MARCHF1: variants seen among roughly 807,000 people sequenced by gnomAD.
MARCHF1 encodes E3 ubiquitin-protein ligase MARCHF1.
A neutral mutation model predicts 54.2 loss-of-function variants in MARCHF1; 40 were observed. That is an observed-to-expected ratio of 0.74 (90% CI 0.57 to 0.96). The LOEUF is 0.96. MARCHF1 is among the 40% of genes least tolerant of loss of function. The pLI, the probability that MARCHF1 is intolerant of heterozygous loss-of-function variation, is 0.00. For missense variants in MARCHF1, 586 were observed against 656.5 expected, an observed-to-expected ratio of 0.89 and a Z score of 1.17; for synonymous variants, 236 against 236.3, an observed-to-expected ratio of 1.00 and a Z score of 0.01.
intron 3 of MARCHF1, among the ~76,000 whole-genome samples, chr4:163,954,063 T>C (rs1752185749): frequency 6.6e-6 from 1 of 152,128 alleles, no homozygotes; most frequent in Non-Finnish European, 1.5e-5. Flanking sequence ...AACTTAACAA[T>C]AGGTTGTGTA....
chr4:163,860,285 G>C (rs1056548398), intron 3 of MARCHF1, among the ~76,000 whole-genome samples: 10 of 152,070 alleles, frequency 6.6e-5, no homozygotes, highest in African/African-American at 2.4e-4. Context: ...AGGACTTCCA[G>C]GGGCTGCATT....
At chr4:164,212,717 G>A (rs530497766) in intron 1 of MARCHF1, among the ~76,000 whole-genome samples, 28 of 152,060 alleles carry the variant, frequency 1.8e-4, no homozygotes, top group Middle Eastern at 3.2e-3. Context: ...CCATGGGTTC[G>A]GTATCCCTTG....
At chr4:163,704,270 C>T (rs963555793) in intron 4 of MARCHF1, among the ~76,000 whole-genome samples, 1 of 151,420 alleles carries the variant, frequency 6.6e-6, no homozygotes, top group African/African-American at 2.4e-5. Context: ...TTTGGAGGGT[C>T]ATCTGAAAAA....
intron 1 of MARCHF1, chr4:164,197,078 C>G: frequency 1.2e-6 from 2 of 1,606,646 alleles, no homozygotes; most frequent in Non-Finnish European, 1.7e-6. Context: ...ACCTCTCCAT[C>G]GTTATAACCT....
In MARCHF1 at chr4:164,288,301, AT is replaced by A. The variant is rs1377302137; in HGVS notation, c.-323+95568del. 2.0e-5 allele frequency among the ~76,000 whole-genome samples: 3 copies of A among 152,150 alleles called. No individual in the cohort carries two copies. The East Asian group carries it at 5.8e-4, about 29-fold the overall frequency. On this transcript the variant is annotated intron_variant, in intron 1 of 9. Coordinates refer to ENST00000514618, the MANE Select transcript of MARCHF1 (RefSeq NM_001394959.1). ...AAGTACATTAAAAGTCAGAATTGTG[AT>A]CTTGAAATTAATATTCTTATTAAGG...
At chr4:164,250,087 T>C (rs1733079720) in intron 1 of MARCHF1, among the ~76,000 whole-genome samples, 1 of 152,018 alleles carries the variant, frequency 6.6e-6, no homozygotes, top group Non-Finnish European at 1.5e-5. Flanking sequence ...ATCAGTTCAG[T>C]TTGTGTCATG....
intron 3 of MARCHF1, chr4:163,932,474 T>C: frequency 2.7e-6 from 1 of 366,834 alleles, no homozygotes; most frequent in Non-Finnish European, 5.3e-6. Context: ...CACAGCATGT[T>C]CACCAGGAGC....
chr4:164,114,017 A>G (rs949586493), intron 1 of MARCHF1, among the ~76,000 whole-genome samples: 1 of 152,012 alleles, frequency 6.6e-6, no homozygotes, highest in Admixed American at 6.6e-5. Context: ...GTCAAAAAAC[A>G]TCATTCCACT....
intron 9 of MARCHF1, among the ~76,000 whole-genome samples, chr4:163,530,890 GGCCAAA>G (rs1738324555): frequency 6.6e-6 from 1 of 151,616 alleles, no homozygotes; most frequent in Admixed American, 6.6e-5. Flanking sequence ...AAATATCATT[GGCCAAA>G]GCTCACACAG....
At chr4:164,033,185 A>G (rs1753915436) in intron 2 of MARCHF1, among the ~76,000 whole-genome samples, 1 of 151,986 alleles carries the variant, frequency 6.6e-6, no homozygotes, top group South Asian at 2.1e-4. Flanking sequence ...GGAAAAAAAA[A>G]AAAAAAGAAA....
At chr4:164,081,099 T>G (rs1175757810) in intron 2 of MARCHF1, among the ~76,000 whole-genome samples, 1 of 143,094 alleles carries the variant, frequency 7.0e-6, no homozygotes, top group Non-Finnish European at 1.5e-5. Flanking sequence ...TCCCAGCTAC[T>G]TGAGAGGCTG....
rs1212137336 is a variant in MARCHF1 at position 164,263,798 on chromosome 4, C to T, written c.-323+120072G>A. Among the ~76,000 whole-genome samples, 3 of 152,080 alleles carry T rather than the reference C, an allele frequency of 2.0e-5. 1 individual carries two copies. The highest frequency in any genetic ancestry group is 1.3e-4 in the Admixed American group (2 of 15,266). On this transcript the variant is annotated intron_variant, in intron 1 of 9. Coordinates refer to ENST00000514618, the MANE Select transcript of MARCHF1 (RefSeq NM_001394959.1). ...TGCATATCAAAACCATAATGAGATA[C>T]CATCTCACACCAGTCAGAATGGCTA...
intron 3 of MARCHF1, among the ~76,000 whole-genome samples, chr4:163,950,627 TG>T (rs1040193594): frequency 4.6e-5 from 7 of 152,164 alleles, no homozygotes; most frequent in African/African-American, 1.7e-4. Context: ...GCTGGCTCCG[TG>T]GGGCATACAG....
chr4:163,934,805 C>A (rs1455081868), intron 3 of MARCHF1, among the ~76,000 whole-genome samples: 3 of 151,982 alleles, frequency 2.0e-5, no homozygotes, highest in African/African-American at 7.2e-5. Context: ...CTGAACTTGA[C>A]CGAACTGAAG....
Position 164,300,284 on chromosome 4 carries a change from G to T in MARCHF1, c.-323+83586C>A, listed in dbSNP as rs531344037. Among the ~76,000 whole-genome samples the T allele has an allele frequency of 1.7e-3, 255 of 152,032 alleles. 1 individual carries two copies. Among genetic ancestry groups the T allele is most frequent in the African/African-American group, 5.3e-3 (219 of 41,460 alleles). ...ATTTCTCAGACAATAAATCATACACGTGGCTGACTAGAGCCGATTGGTATA... is the reference window on the plus strand; with the variant it reads ...ATTTCTCAGACAATAAATCATACACTTGGCTGACTAGAGCCGATTGGTATA... On this transcript the variant is annotated intron_variant, in intron 1 of 9. Transcript: ENST00000514618.
chr4:164,337,206 G>A (rs539472969), intron 1 of MARCHF1, among the ~76,000 whole-genome samples: 19 of 152,176 alleles, frequency 1.2e-4, no homozygotes, highest in African/African-American at 4.6e-4. Context: ...CCCTGCAAAA[G>A]TATCAATTTT....
intron 4 of MARCHF1, among the ~76,000 whole-genome samples, chr4:163,741,542 C>T (rs1159591028): frequency 2.0e-5 from 3 of 150,372 alleles, no homozygotes; most frequent in Non-Finnish European, 4.4e-5. Flanking sequence ...GAGATTGTGC[C>T]ACTGCATTGT....
chr4:163,539,645 A>G (rs983039595), intron 9 of MARCHF1, among the ~76,000 whole-genome samples: 1 of 152,178 alleles, frequency 6.6e-6, no homozygotes, highest in African/African-American at 2.4e-5. Flanking sequence ...CAGAGGGAGG[A>G]AGTCTAGTTA....
In MARCHF1 at chr4:163,728,846, T is replaced by C. The variant is rs561213599; in HGVS notation, c.112-27983A>G. Reference sequence around the variant, plus strand: ...CTTTCAGTATAATGCTGAAAAGCAATGGTGAGAGTGACATCCTTGCCTTGT... The same window carrying C: ...CTTTCAGTATAATGCTGAAAAGCAACGGTGAGAGTGACATCCTTGCCTTGT... On this transcript the variant is annotated intron_variant, in intron 4 of 9. Transcript: ENST00000514618. 2.4e-4 allele frequency among the ~76,000 whole-genome samples: 36 copies of C among 152,342 alleles called. No homozygotes were observed. The South Asian group carries it at 7.5e-3, about 32-fold the overall frequency.
Sources: gnomAD v4.1 joint callset for allele counts (sites outside exome capture counted in the v4.1 genomes callset) on GRCh38, gnomAD v4.1.1 for gene constraint, MANE v1.5 for transcripts, NCBI Gene and HGNC (gene_info 2026-07-23, HGNC 2026-07-21) for gene names.